The following WIZ variants were observed in gnomAD, a reference collection of about 807,000 sequenced individuals.
WIZ encodes WIZ zinc finger.
WIZ carries 25 observed loss-of-function variants against 140.2 expected under a neutral mutation model. That is an observed-to-expected ratio of 0.18 (90% CI 0.13 to 0.25). WIZ has a LOEUF of 0.25. Ranked by LOEUF, WIZ falls within the 10% of genes least tolerant of loss-of-function variation. The pLI, the probability that WIZ is intolerant of heterozygous loss-of-function variation, is 1.00. For synonymous variants in WIZ, 1,125 were observed against 1,154.3 expected, an observed-to-expected ratio of 0.97 and a Z score of 0.51; for missense variants, 2,231 against 2,632.6, an observed-to-expected ratio of 0.85 and a Z score of 3.34.
At chr19:15,432,090 T>C (rs940996282) in intron 5 of WIZ, among the ~76,000 whole-genome samples, 1 of 151,928 alleles carries the variant, frequency 6.6e-6, no homozygotes, top group African/African-American at 2.4e-5. Context: ...CCGAGGACTT[T>C]GTCAAAGTCT....
rs1030306289 is a variant in WIZ, at chr19:15,439,742, G to T, written c.1252C>A (p.Gln418Lys). Residue 418 changes from glutamine (Q) to lysine (K), a missense_variant, in exon 4 of 13, where the codon CAG becomes AAG. This residue lies in a region of WIZ where 475 missense variants were observed against 520.2 expected (regional missense o/e 0.91). Transcript: ENST00000673675. This position sits in a 1 kb window ranked among gnomAD's most constrained non-coding sequence, Gnocchi z 7.0. ...FGTNSSRAYVQHAKLHMREPP... is the reference protein window; with the variant it reads ...FGTNSSRAYVKHAKLHMREPP... ...TCACGCATGTGCAGCTTGGCATGCT[G>T]CACATAGGCCCTGGATGAATTGGTG... The T allele has an allele frequency of 1.6e-5, 23 of 1,475,136 alleles. No individual in the cohort carries two copies. The highest frequency in any genetic ancestry group is 2.0e-5 in the Non-Finnish European group (22 of 1,117,880). The allele number at this position is 1,475,136 out of a possible 1,614,324, so 91.4% of individuals were successfully genotyped here. A position where few individuals can be genotyped will look rare whatever the true frequency, so the allele number is the denominator to read the frequency against.
intron 5 of WIZ, chr19:15,433,322 G>A (rs1334712753): frequency 3.0e-6 from 3 of 985,318 alleles, no homozygotes; most frequent in Non-Finnish European, 3.6e-6. Context: ...TTCCTTGACA[G>A]TTGGGTGGGG....
chr19:15,429,776 G>A lies in WIZ; in HGVS notation c.3225C>T (p.Pro1075=), dbSNP rs776397849. Residue 1075 remains proline, a synonymous_variant, in exon 7 of 13, where the codon CCC becomes CCT. Transcript: ENST00000673675. ...GGCCCAGGCCCTTGGCCGAGAAGCCGGGAGGCGACTTGATGGCTTTGTTGA... is the reference window on the plus strand; with the variant it reads ...GGCCCAGGCCCTTGGCCGAGAAGCCAGGAGGCGACTTGATGGCTTTGTTGA... ...PAVNKAIKSP[P]GFSAKGLGHP... The A allele has an allele frequency of 3.1e-5, 47 of 1,515,492 alleles. No homozygotes were observed. Among genetic ancestry groups the A allele is most frequent in the South Asian group, 1.9e-4 (16 of 82,522 alleles). 93.9% of individuals were successfully genotyped at this position (1,515,492 alleles called of 1,614,324 possible).
intron 9 of WIZ, among the ~76,000 whole-genome samples, 179 bp downstream of exon 9, chr19:15,426,803 T>C (rs1375872542): frequency 2.0e-5 from 3 of 152,230 alleles, no homozygotes; most frequent in African/African-American, 4.8e-5. Context: ...AAAGGACAAT[T>C]GAGCAGCAGC....
At chr19:15,444,073 TG>T (rs1969834791) in intron 2 of WIZ, among the ~76,000 whole-genome samples, 1 of 152,184 alleles carries the variant, frequency 6.6e-6, no homozygotes, top group Non-Finnish European at 1.5e-5. Context: ...GTTAACACAC[TG>T]GGGGAACTTG....
At chr19:15,448,913 C>G (rs1387907876) in intron 1 of WIZ, among the ~76,000 whole-genome samples, 1 of 152,090 alleles carries the variant, frequency 6.6e-6, no homozygotes, top group African/African-American at 2.4e-5. Flanking sequence ...ACCCTTCCCC[C>G]ACACAGGACC....
In WIZ at chr19:15,424,575, C is replaced by T. The variant is rs1243910221; in HGVS notation, c.5314+38G>A. The T allele has an allele frequency of 5.8e-6, 9 of 1,551,424 alleles. No homozygotes were observed. The highest frequency in any genetic ancestry group is 1.4e-5 in the African/African-American group (1 of 73,160). On this transcript the variant is annotated intron_variant, in intron 11 of 12. Transcript: ENST00000673675. The surrounding 1 kb of genome is among the most constrained non-coding windows in gnomAD (Gnocchi z 9.7). ...AGTGGCTGGGTGGGCCTGACAGGTG[C>T]CCGCTGCGCTCCCGACCCTCCTCCA...
At chr19:15,446,282 G>A (rs1969917626) in intron 2 of WIZ, among the ~76,000 whole-genome samples, 1 of 152,122 alleles carries the variant, frequency 6.6e-6, no homozygotes, top group African/African-American at 2.4e-5. Flanking sequence ...CATCTGCGAG[G>A]TAGAGAAGAG....
In WIZ at chr19:15,429,841, C is replaced by T. The variant is rs759376232; in HGVS notation, c.3160G>A (p.Gly1054Ser). 18 of 1,529,788 alleles carry T rather than the reference C, an allele frequency of 1.2e-5. No individual in the cohort carries two copies. The highest frequency in any genetic ancestry group is 7.4e-5 in the East Asian group (3 of 40,748). The allele number at this position is 1,529,788 out of a possible 1,614,324, so 94.8% of individuals were successfully genotyped here. A position where few individuals can be genotyped will look rare whatever the true frequency, so the allele number is the denominator to read the frequency against. ...KEVVAGAPRP[G>S]LLSLAKPLDA... ...AAGGGCTTGGCCAGGCTGAGCAAGCCGGGCCGGGGGGCCCCGGCGACCACC... is the reference window on the plus strand; with the variant it reads ...AAGGGCTTGGCCAGGCTGAGCAAGCTGGGCCGGGGGGCCCCGGCGACCACC... The change falls in exon 7 of 13, where the codon GGC (glycine) becomes AGC (serine). Residue 1054 changes from glycine to serine, a missense_variant. Gly to Ser is a moderately conservative substitution (Grantham distance 56, BLOSUM62 0). This residue lies in a region of WIZ where 163 missense variants were observed against 166.8 expected (regional missense o/e 0.98). Transcript: ENST00000673675.
At position 15,422,867 on chromosome 19, in the gene WIZ, T is replaced by A; in HGVS notation, c.*209A>T. 1 of 672,478 alleles carries A rather than the reference T, an allele frequency of 1.5e-6. No individual in the cohort carries two copies. Among genetic ancestry groups the A allele is most frequent in the South Asian group, 2.0e-5 (1 of 49,404 alleles). 41.7% of individuals were successfully genotyped at this position (672,478 alleles called of 1,614,324 possible). A position where few individuals can be genotyped will look rare whatever the true frequency, so the allele number is the denominator to read the frequency against. On this transcript the variant is annotated 3_prime_UTR_variant, in exon 13 of 13. Transcript: ENST00000673675. ...GGGCATGGGCTGAAGGAAGACACCC[T>A]GTGGCCCCAGAGTCCTCGGGCTGGG...
chr19:15,438,674 G>A lies in WIZ; in HGVS notation c.2320C>T (p.Arg774Cys). 6.5e-7 allele frequency: 1 copy of A among 1,536,114 alleles called. No individual in the cohort carries two copies. The highest frequency in any genetic ancestry group is 8.7e-7 in the Non-Finnish European group (1 of 1,146,842). Residue 774 changes from arginine (R) to cysteine (C), a missense_variant, in exon 4 of 13, where the codon CGC becomes TGC. Physicochemically the swap from Arg to Cys is radical, Grantham distance 180 (BLOSUM62 -3). This residue lies in a region of WIZ where 118 missense variants were observed against 209.1 expected (regional missense o/e 0.56). Transcript: ENST00000673675. ...LANHVRGHLN[R>C]VGVSYNVRHF... ...CGCACATTGTAGCTGACGCCCACGC[G>A]GTTCAGGTGGCCCCGGACGTGGTTG...
chr19:15,443,312 T>G (rs1313615185), intron 2 of WIZ, among the ~76,000 whole-genome samples: 1 of 152,220 alleles, frequency 6.6e-6, no homozygotes, highest in African/African-American at 2.4e-5. Flanking sequence ...CCTCAAGCGA[T>G]CCACCCACCT....
Position 15,428,387 on chromosome 19 carries a change from C to T in WIZ, c.3537G>A (p.Pro1179=), listed in dbSNP as rs1386486304. ...AHLRHLGVSD[P]DAKGSPIDVL... is the part of the protein sequence containing the mutation. ...CGTCTATGGGGGATCCCTTGGCGTC[C>T]GGATCGCTGACGCCCAGGTGGCGCA... The change falls in exon 8 of 13, where the codon CCG becomes CCA. Residue 1179 remains proline, a synonymous_variant. Transcript: ENST00000673675. This position sits in a 1 kb window ranked among gnomAD's most constrained non-coding sequence, Gnocchi z 6.4. 8.5e-6 allele frequency: 13 copies of T among 1,535,504 alleles called. No homozygotes were observed. Among genetic ancestry groups the T allele is most frequent in the Admixed American group, 2.0e-5 (1 of 50,968 alleles).
Position 15,427,391 on chromosome 19 carries a change from G to A in WIZ, c.3957C>T (p.Ile1319=), listed in dbSNP as rs1164232079. Residue 1319 remains isoleucine (I), a synonymous_variant, in exon 9 of 13, where the codon ATC becomes ATT. Coordinates refer to ENST00000673675, the MANE Select transcript of WIZ (RefSeq NM_001371589.1). The surrounding 1 kb of genome is among the most constrained non-coding windows in gnomAD (Gnocchi z 6.4). ...VTEWYVNGSP[I]DTLREILKRR... ...TCTTCAGGATCTCCCGCAGCGTGTC[G>A]ATGGGCGAGCCATTGACGTACCACT... is the stretch of plus-strand genomic sequence containing the variant. 7 of 1,613,514 alleles carry A rather than the reference G, an allele frequency of 4.3e-6. No homozygotes were observed. Among genetic ancestry groups the A allele is most frequent in the Middle Eastern group, 1.7e-4 (1 of 6,056 alleles).
In WIZ at chr19:15,424,950, C is replaced by T. The variant is rs755763084; in HGVS notation, c.4977G>A (p.Arg1659=). 15 of 1,609,046 alleles carry T rather than the reference C, an allele frequency of 9.3e-6. No homozygotes were observed. The African/African-American group carries it at 1.9e-4, about 20-fold the overall frequency. The change falls in exon 11 of 13, where the codon CGG becomes CGA. Residue 1659 remains arginine (R), a synonymous_variant. Coordinates refer to ENST00000673675, the MANE Select transcript of WIZ (RefSeq NM_001371589.1). This position sits in a 1 kb window ranked among gnomAD's most constrained non-coding sequence, Gnocchi z 9.7. ...CGCACCACTCGGTCACGCCGAACTG[C>T]CGCAGGTGTGCCCGTGCGTGGCTGG... The part of the protein sequence containing the change: ...ALASHARAHL[R]QFGVTEWCVN...
intron 5 of WIZ, 108 bp from the exon 6 acceptor site, chr19:15,431,290 G>A (rs756389360): frequency 1.1e-5 from 15 of 1,327,496 alleles, no homozygotes; most frequent in East Asian, 7.8e-5. Flanking sequence ...CTCACTCTGC[G>A]AAGCGACTCA....
rs779997003 is a variant in WIZ at position 15,428,168 on chromosome 19, G to A, written c.3756C>T (p.Ala1252=). The A allele has an allele frequency of 1.1e-5, 17 of 1,534,392 alleles. No homozygotes were observed. Among genetic ancestry groups the A allele is most frequent in the Admixed American group, 5.9e-5 (3 of 50,978 alleles). The change falls in exon 8 of 13, where the codon GCC becomes GCT. Residue 1252 remains alanine, a synonymous_variant. Transcript: ENST00000673675. This position sits in a 1 kb window ranked among gnomAD's most constrained non-coding sequence, Gnocchi z 6.4. Reference sequence around the variant, plus strand: ...CCCAGAAAATGCCGGCGGCTGCGGCGGCCGAGAGGTCCTGCTTCCCCCAGG... The same window carrying A: ...CCCAGAAAATGCCGGCGGCTGCGGCAGCCGAGAGGTCCTGCTTCCCCCAGG... ...ASPWGKQDLS[A]AAAAGIFWAS...
rs984231056 is a variant in WIZ, at chr19:15,436,960, C to T, written c.2586G>A (p.Leu862=). The T allele has an allele frequency of 2.5e-6, 4 of 1,613,606 alleles. No homozygotes were observed. In the African/African-American group the frequency reaches 5.3e-5, roughly 22 times the overall value. Residue 862 remains leucine, a synonymous_variant, in exon 5 of 13, where the codon CTG becomes CTA. Transcript: ENST00000673675. ...VSPINILQEL[L]ATSAAEQPPS... is the part of the protein sequence containing the mutation. ...GGGGCTGCTCAGCAGCAGAGGTGGC[C>T]AGCAGCTCCTGCAGGATGTTGATGG...
At position 15,425,682 on chromosome 19, in the gene WIZ, G is replaced by A. The variant is rs2145217753; in HGVS notation, c.4453C>T (p.Arg1485Cys). The stretch of plus-strand genomic sequence containing the variant: ...ACACCCATCTGCCGCAGGTGTGAGC[G>A]CGCGTGACTCGACAGGCCCTTGCGG... ...ENRKGLSSHA[R>C]SHLRQMGVTE... is the part of the protein sequence containing the mutation. Residue 1485 changes from arginine (R) to cysteine (C), a missense_variant, in exon 10 of 13, where the codon CGC becomes TGC. Transcript: ENST00000673675. 1.2e-6 allele frequency: 2 copies of A among 1,613,284 alleles called. No homozygotes were observed. Among genetic ancestry groups the A allele is most frequent in the Non-Finnish European group, 8.5e-7 (1 of 1,179,890 alleles).
Sources: allele counts gnomAD v4.1 joint callset (sites outside exome capture counted in the v4.1 genomes callset), GRCh38; gene constraint gnomAD v4.1.1; regional missense constraint gnomAD v4.1.1; non-coding constraint Gnocchi (gnomAD v3.1); transcripts MANE v1.5; gene names NCBI Gene and HGNC (gene_info 2026-07-23, HGNC 2026-07-21).